GALNTL6: variants seen among roughly 807,000 people sequenced by gnomAD.
GALNTL6 encodes polypeptide N-acetylgalactosaminyltransferase like 6, also known as polypeptide N-acetylgalactosaminyltransferase-like 6.
A neutral mutation model predicts 73.7 loss-of-function variants in GALNTL6; 46 were observed. That is an observed-to-expected ratio of 0.62 (90% CI 0.49 to 0.80). The LOEUF (loss-of-function observed/expected upper bound fraction) is 0.80. Among genes scored for constraint, GALNTL6 ranks in the 30% least tolerant of loss-of-function variants. The probability of loss-of-function intolerance (pLI) is 0.00; values close to 1 mark genes in which losing one functional copy is unlikely to be tolerated. For synonymous variants in GALNTL6, 259 were observed against 263.7 expected (o/e 0.98, Z 0.17); for missense variants, 604 against 755.0 (o/e 0.80, Z 2.34).
At chr4:172,089,879 G>A (rs1038472708) in intron 2 of GALNTL6, among the ~76,000 whole-genome samples, 5 of 152,066 alleles carry the variant, frequency 3.3e-5, no homozygotes, top group African/African-American at 1.2e-4. Flanking sequence ...AGGCCCCAGT[G>A]TGTAATGTTC....
intron 5 of GALNTL6, among the ~76,000 whole-genome samples, chr4:172,802,811 AAAC>A (rs938478303): frequency 6.5e-5 from 5 of 76,574 alleles, no homozygotes; most frequent in Admixed American, 1.3e-4. Context: ...ACAAACAAAC[AAAC>A]AACAACAACA....
intron 5 of GALNTL6, among the ~76,000 whole-genome samples, chr4:172,590,410 GA>G (rs776182974): frequency 6.7e-6 from 1 of 149,260 alleles, no homozygotes; most frequent in Non-Finnish European, 1.5e-5. Context: ...TTAGGCAATT[GA>G]AAAAAAAATG....
At chr4:172,105,976 G>A (rs189746426) in intron 2 of GALNTL6, among the ~76,000 whole-genome samples, 1 of 152,250 alleles carries the variant, frequency 6.6e-6, no homozygotes, top group East Asian at 1.9e-4. Flanking sequence ...GAAAGTTGGT[G>A]CTGATACTTT....
At chr4:172,302,133 T>G (rs1331473645) in intron 3 of GALNTL6, among the ~76,000 whole-genome samples, 1 of 152,134 alleles carries the variant, frequency 6.6e-6, no homozygotes, top group Non-Finnish European at 1.5e-5. Flanking sequence ...GTGCTAGCAA[T>G]GAGTGAGGCT....
intron 5 of GALNTL6, among the ~76,000 whole-genome samples, chr4:172,588,081 A>C (rs546499878): frequency 2.1e-4 from 32 of 152,278 alleles, no homozygotes; most frequent in Non-Finnish European, 1.5e-5. Context: ...CTAGCAAATT[A>C]AGCAACGTAG....
chr4:171,900,186 G>A (rs1048672056), intron 2 of GALNTL6, among the ~76,000 whole-genome samples: 13 of 152,040 alleles, frequency 8.6e-5, no homozygotes, highest in South Asian at 2.1e-4. Flanking sequence ...GGGGTTCATC[G>A]TCTTGGGTTT....
At chr4:171,838,998 T>G (rs1415386313) in intron 2 of GALNTL6, among the ~76,000 whole-genome samples, 4 of 152,074 alleles carry the variant, frequency 2.6e-5, no homozygotes, top group Non-Finnish European at 5.9e-5. Flanking sequence ...AGTATTCTGA[T>G]GTAGAGCATT....
chr4:171,819,406 AAAAT>A (rs996679959), intron 2 of GALNTL6, among the ~76,000 whole-genome samples: 11 of 152,148 alleles, frequency 7.2e-5, no homozygotes, highest in Non-Finnish European at 1.0e-4. Flanking sequence ...TCTGGTCAAA[AAAAT>A]AAATAAATAA....
In GALNTL6 at chr4:172,320,748, G is replaced by A. The variant is rs376939703; in HGVS notation, c.386+8996G>A. Among the ~76,000 whole-genome samples, 4 of 152,158 alleles carry A rather than the reference G, an allele frequency of 2.6e-5. No homozygotes were observed. The East Asian group carries it at 5.8e-4, about 22-fold the overall frequency. ...TTAAAAACAAGAAAGCAATCAACCA[G>A]CAATTAGTGGTGTTTAACAGCAGGA... On this transcript the variant is annotated intron_variant, in intron 4 of 12. Coordinates refer to ENST00000506823, the MANE Select transcript of GALNTL6 (RefSeq NM_001034845.3).
intron 5 of GALNTL6, among the ~76,000 whole-genome samples, chr4:172,771,266 T>A (rs2110863946): frequency 6.6e-6 from 1 of 152,212 alleles, no homozygotes; most frequent in East Asian, 1.9e-4. Context: ...AAACAACAAA[T>A]AGCAGTTGTT....
chr4:171,962,526 T>A (rs1739250356), intron 2 of GALNTL6, among the ~76,000 whole-genome samples: 1 of 152,050 alleles, frequency 6.6e-6, no homozygotes, highest in Non-Finnish European at 1.5e-5. Context: ...CCATGACAGT[T>A]TACAAATGTC....
intron 2 of GALNTL6, among the ~76,000 whole-genome samples, chr4:172,057,589 C>T (rs942227799): frequency 6.7e-6 from 1 of 149,796 alleles, no homozygotes; most frequent in Non-Finnish European, 1.5e-5. Flanking sequence ...CTCCTGTAGT[C>T]CCAGCTACTC....
chr4:172,793,624 A>G lies in GALNTL6; in HGVS notation c.554-15737A>G, dbSNP rs537945110. Among the ~76,000 whole-genome samples the G allele has an allele frequency of 5.3e-5, 8 of 152,340 alleles. 1 individual carries two copies. In the South Asian group the frequency reaches 1.7e-3, roughly 32 times the overall value. The stretch of plus-strand genomic sequence containing the variant: ...CAAATGAAGATAAAGAGGGACAAAC[A>G]AAAGAATTACAATCGAAAATTTGTT... On this transcript the variant is annotated intron_variant, in intron 5 of 12. Transcript: ENST00000506823.
At chr4:172,539,429 ATTC>A (rs1397219728) in intron 5 of GALNTL6, among the ~76,000 whole-genome samples, 2 of 152,058 alleles carry the variant, frequency 1.3e-5, no homozygotes, top group Non-Finnish European at 2.9e-5. Context: ...ACTCAGTATA[ATTC>A]TTCCTGCCAA....
At chr4:172,364,313 C>G (rs1742480165) in intron 5 of GALNTL6, among the ~76,000 whole-genome samples, 1 of 152,052 alleles carries the variant, frequency 6.6e-6, no homozygotes, top group Admixed American at 6.6e-5. Context: ...CCTAGTTACT[C>G]TGGAGGCTGT....
At chr4:172,409,329 G>T (rs1208403220) in intron 5 of GALNTL6, among the ~76,000 whole-genome samples, 2 of 151,864 alleles carry the variant, frequency 1.3e-5, no homozygotes, top group Non-Finnish European at 2.9e-5. Flanking sequence ...AGATTTTTTA[G>T]GGACCCCATT....
intron 2 of GALNTL6, among the ~76,000 whole-genome samples, chr4:172,208,638 A>G (rs775988279): frequency 2.1e-4 from 32 of 152,148 alleles, no homozygotes; most frequent in Non-Finnish European, 2.2e-4. Flanking sequence ...ACAGAATTAT[A>G]TATTTAAAAA....
intron 2 of GALNTL6, among the ~76,000 whole-genome samples, chr4:172,082,064 A>G (rs987447950): frequency 1.3e-5 from 2 of 151,938 alleles, no homozygotes; most frequent in African/African-American, 4.8e-5. Flanking sequence ...TTTAGTAAAG[A>G]TGGGGTTTCA....
rs533604438 is a variant in GALNTL6 at position 172,680,277 on chromosome 4, T to C, written c.554-129084T>C. ...AGGGAAGCTGCCAGTCTACCTAAGGTTGCAGAGCTAATAAGAAGTGGCAGA... is the reference window on the plus strand; with the variant it reads ...AGGGAAGCTGCCAGTCTACCTAAGGCTGCAGAGCTAATAAGAAGTGGCAGA... On this transcript the variant is annotated intron_variant, in intron 5 of 12. Transcript: ENST00000506823. 4.6e-5 allele frequency among the ~76,000 whole-genome samples: 7 copies of C among 152,282 alleles called. No homozygotes were observed. The South Asian group carries it at 1.5e-3, about 32-fold the overall frequency.
Sources: allele counts gnomAD v4.1 joint callset (sites outside exome capture counted in the v4.1 genomes callset), GRCh38; gene constraint gnomAD v4.1.1; transcripts MANE v1.5; gene names NCBI Gene and HGNC (gene_info 2026-07-23, HGNC 2026-07-21).